PDPN: variants seen among roughly 807,000 people sequenced by gnomAD.
The protein encoded by PDPN is PA2.26 antigen.
PDPN carries 12 observed loss-of-function variants against 23.2 expected under a neutral mutation model. That is an observed-to-expected ratio of 0.52 (90% CI 0.33 to 0.84). PDPN has a LOEUF of 0.84. Among genes scored for constraint, PDPN ranks in the 40% least tolerant of loss-of-function variants. PDPN has a pLI of 0.02. For synonymous variants in PDPN, 77 were observed against 76.7 expected (o/e 1.00, Z -0.02); for missense variants, 199 against 212.2 (o/e 0.94, Z 0.39).
intron 1 of PDPN, among the ~76,000 whole-genome samples, chr1:13,603,331 C>T (rs956696774): frequency 5.3e-5 from 8 of 151,990 alleles, no homozygotes; most frequent in South Asian, 2.1e-4. Context: ...TGTAGTGAGC[C>T]GAAATTGTAC....
chr1:13,589,961 G>A (rs544081568), intron 1 of PDPN, among the ~76,000 whole-genome samples: 1 of 152,274 alleles, frequency 6.6e-6, no homozygotes, highest in South Asian at 2.1e-4. Context: ...CCTAGTAGCT[G>A]GGATTACAGG....
chr1:13,607,066 A>C lies in PDPN; in HGVS notation c.68-107A>C, dbSNP rs932291575. 6.7e-6 allele frequency: 9 copies of C among 1,348,254 alleles called. No homozygotes were observed. In the African/African-American group the frequency reaches 1.3e-4, roughly 20 times the overall value. The allele number at this position is 1,348,254 out of a possible 1,614,324, so 83.5% of individuals were successfully genotyped here. On this transcript the variant is annotated intron_variant, in intron 1 of 5. Coordinates refer to ENST00000621990, the MANE Select transcript of PDPN (RefSeq NM_006474.5). Reference sequence around the variant, plus strand: ...CACAAAAAGGACCAAAAATAAAACAAAAATTTCCAAAAGAAATGGAAAAGA... The same window carrying C: ...CACAAAAAGGACCAAAAATAAAACACAAATTTCCAAAAGAAATGGAAAAGA...
At chr1:13,590,718 C>T (rs987839687) in intron 1 of PDPN, among the ~76,000 whole-genome samples, 16 of 151,896 alleles carry the variant, frequency 1.1e-4, no homozygotes, top group African/African-American at 3.6e-4. Context: ...CAGATGAGTC[C>T]GTGCTGAGTG....
chr1:13,613,140 A>C (rs1187846550), intron 3 of PDPN, among the ~76,000 whole-genome samples: 1 of 152,236 alleles, frequency 6.6e-6, no homozygotes, highest in African/African-American at 2.4e-5. Context: ...ATATTTGCTC[A>C]TGAAACTTAG....
chr1:13,584,336 T>C, intron 1 of PDPN: 2 of 1,486,344 alleles, frequency 1.3e-6, no homozygotes, highest in Admixed American at 2.1e-5. Context: ...ATCCACAGGC[T>C]GCGAGGTGGG....
In PDPN at chr1:13,615,994, G is replaced by A. The variant is rs957618096; in HGVS notation, c.*83G>A. On this transcript the variant is annotated 3_prime_UTR_variant, in exon 6 of 6. Coordinates refer to ENST00000621990, the MANE Select transcript of PDPN (RefSeq NM_006474.5). ...CTGTGCCCTGTCCCTGAGCTCGTGG[G>A]AGAAGATGACCCGTGGAACACTTGC... The A allele has an allele frequency of 1.5e-6, 2 of 1,326,736 alleles. No individual in the cohort carries two copies. The highest frequency in any genetic ancestry group is 1.2e-5 in the South Asian group (1 of 84,998). 82.2% of individuals were successfully genotyped at this position (1,326,736 alleles called of 1,614,324 possible).
intron 1 of PDPN, chr1:13,585,562 C>T: frequency 7.4e-7 from 1 of 1,351,980 alleles, no homozygotes; most frequent in Non-Finnish European, 9.8e-7. Flanking sequence ...AAAGAAAAAG[C>T]TGCTGGGTAA....
intron 1 of PDPN, among the ~76,000 whole-genome samples, chr1:13,589,801 C>T (rs539117538): frequency 2.0e-5 from 3 of 151,520 alleles, no homozygotes; most frequent in Non-Finnish European, 4.4e-5. Context: ...TCTTACCTTA[C>T]GGCAGCAAAC....
intron 1 of PDPN, among the ~76,000 whole-genome samples, chr1:13,590,206 G>A (rs1045950264): frequency 2.6e-5 from 4 of 152,248 alleles, no homozygotes; most frequent in Admixed American, 6.5e-5. Context: ...TGCTGATGAT[G>A]TGTATCCCCA....
rs1640262395 is a variant in PDPN at position 13,588,992 on chromosome 1, A to ATAAATTGAATAGTGCTACTATTC, written c.67+4897_67+4898insTGAATAGTGCTACTATTCTAAAT. Among the ~76,000 whole-genome samples the ATAAATTGAATAGTGCTACTATTC allele has an allele frequency of 2.6e-5, 4 of 151,868 alleles. 1 individual carries two copies. The highest frequency in any genetic ancestry group is 2.6e-4 in the Admixed American group (4 of 15,270). On this transcript the variant is annotated intron_variant, in intron 1 of 5. Transcript: ENST00000621990. ...CAATTCATTGAATAGCTACTATTCA[A>ATAAATTGAATAGTGCTACTATTC]TAAATATTTATTGAACAGCTATTTA...
At chr1:13,584,246 CGGA>C (rs3217646) in intron 1 of PDPN, 146 bp downstream of exon 1, 300,213 of 1,531,938 alleles carry the variant, frequency 0.2, 30,965 homozygotes, top group African/African-American at 0.34. Context: ...GGCTGAGCGC[CGGA>C]GGAGGAGAGG....
intron 5 of PDPN, among the ~76,000 whole-genome samples, chr1:13,615,567 TGA>T (rs926702726): frequency 6.6e-6 from 1 of 152,134 alleles, no homozygotes; most frequent in Non-Finnish European, 1.5e-5. Context: ...ATTACAGGCA[TGA>T]GCCACCGCAC....
chr1:13,592,543 A>AT (rs34176163), intron 1 of PDPN, among the ~76,000 whole-genome samples: 10,388 of 104,904 alleles, frequency 0.099, 888 homozygotes, highest in African/African-American at 0.23. Flanking sequence ...TGAAAAGATG[A>AT]TTTTTTTTTT....
rs779072490 is a variant in PDPN at position 13,583,918 on chromosome 1, C to A, written c.-116C>A. The A allele has an allele frequency of 6.2e-7, 1 of 1,611,166 alleles. No individual in the cohort carries two copies. Among genetic ancestry groups the A allele is most frequent in the Non-Finnish European group, 8.5e-7 (1 of 1,178,248 alleles). ...GGGGCTCCTGCTCCCACCCCTCCGG[C>A]CCCCCCACCGTCGCGCTCCTCCAGG... On this transcript the variant is annotated 5_prime_UTR_variant, in exon 1 of 6. Coordinates refer to ENST00000621990, the MANE Select transcript of PDPN (RefSeq NM_006474.5).
intron 2 of PDPN, among the ~76,000 whole-genome samples, chr1:13,607,896 G>C (rs1640832019): frequency 6.6e-6 from 1 of 152,170 alleles, no homozygotes; most frequent in Non-Finnish European, 1.5e-5. Flanking sequence ...CCTGAGGTCA[G>C]GAGTTCGAGA....
chr1:13,603,273 C>T (rs1263561157), intron 1 of PDPN, among the ~76,000 whole-genome samples: 1 of 151,908 alleles, frequency 6.6e-6, no homozygotes, highest in East Asian at 2.0e-4. Context: ...ATCCCAGCTA[C>T]TTGGGAGGCT....
intron 1 of PDPN, among the ~76,000 whole-genome samples, chr1:13,606,249 C>T (rs996598511): frequency 6.6e-6 from 1 of 152,070 alleles, no homozygotes; most frequent in Non-Finnish European, 1.5e-5. Context: ...AATGATCCAC[C>T]CACCTTGGCC....
intron 5 of PDPN, 28 bp downstream of exon 5, chr1:13,614,439 T>G (rs774676629): frequency 9.1e-7 from 1 of 1,102,430 alleles, no homozygotes; most frequent in East Asian, 2.4e-5. Context: ...ACCCATGTGA[T>G]AGGCAAATGA....
rs1291778532 is a variant in PDPN, at chr1:13,584,011, A to G, written c.-23A>G. On this transcript the variant is annotated 5_prime_UTR_variant, in exon 1 of 6. Transcript: ENST00000621990. Reference sequence around the variant, plus strand: ...AGAATCTTGCTGCTCGGCCCCCAGGAGAGCAACAACTCAACGGGAACGATG... The same window carrying G: ...AGAATCTTGCTGCTCGGCCCCCAGGGGAGCAACAACTCAACGGGAACGATG... 6.2e-7 allele frequency: 1 copy of G among 1,613,440 alleles called. No homozygotes were observed. Among genetic ancestry groups the G allele is most frequent in the Admixed American group, 1.7e-5 (1 of 60,028 alleles).
Sources: allele counts gnomAD v4.1 joint callset (sites outside exome capture counted in the v4.1 genomes callset), GRCh38; gene constraint gnomAD v4.1.1; transcripts MANE v1.5; gene names NCBI Gene and HGNC (gene_info 2026-07-23, HGNC 2026-07-21).